UBP1: variants seen among roughly 807,000 people sequenced by gnomAD.
UBP1 encodes the protein upstream binding protein 1.
A neutral mutation model predicts 76.1 loss-of-function variants in UBP1; 22 were observed. The ratio of observed to expected loss-of-function variants is 0.29; its 90% confidence interval spans 0.21 to 0.41. The LOEUF (loss-of-function observed/expected upper bound fraction) is 0.41, where lower values mean the gene tolerates loss of function less well. Ranked by LOEUF, UBP1 falls within the 10% of genes least tolerant of loss-of-function variation. UBP1 has a pLI of 1.00. For missense variants in UBP1, 436 were observed against 668.1 expected (o/e 0.65, Z 3.83); for synonymous variants, 224 against 237.1 (o/e 0.94, Z 0.51).
At position 33,409,302 on chromosome 3, in the gene UBP1, C is replaced by T. The variant is rs958412603; in HGVS notation, c.753G>A (p.Met251Ile). 1 of 1,614,120 alleles carries T rather than the reference C, an allele frequency of 6.2e-7. No homozygotes were observed. Among genetic ancestry groups the T allele is most frequent in the Non-Finnish European group, 8.5e-7 (1 of 1,180,024 alleles). Residue 251 changes from methionine (M) to isoleucine (I), a missense_variant, in exon 7 of 16, where the codon ATG becomes ATA. Met to Ile is a conservative substitution (Grantham distance 10, BLOSUM62 1). Around this residue, in one of 3 missense-constraint regions of UBP1, gnomAD observed 65 missense variants for 157.4 expected, o/e 0.41. Transcript: ENST00000283629. ...CTTTTTCATGAGCTGTTCTCTTCTC[C>T]ATCTTCTCTCGGTCAGTTTTTTGTT... ...DRKQKTDREK[M>I]EKRTAHEKEK...
chr3:33,406,290 C>T (rs908627896), intron 8 of UBP1, among the ~76,000 whole-genome samples: 2 of 152,056 alleles, frequency 1.3e-5, no homozygotes, highest in African/African-American at 4.8e-5. Flanking sequence ...TTTTTCTTTC[C>T]ACCTTACAAA....
intron 1 of UBP1, among the ~76,000 whole-genome samples, chr3:33,431,702 T>C (rs1181515509): frequency 6.7e-6 from 1 of 149,460 alleles, no homozygotes; most frequent in Non-Finnish European, 1.5e-5. Flanking sequence ...ATTGCGCCAC[T>C]GCACTCCAGC....
intron 1 of UBP1, among the ~76,000 whole-genome samples, chr3:33,435,261 T>A (rs1483989448): frequency 6.6e-6 from 1 of 152,206 alleles, no homozygotes; most frequent in East Asian, 1.9e-4. Flanking sequence ...AATTGCTTCA[T>A]GAAAAGATTC....
chr3:33,438,880 G>T (rs966530449), intron 1 of UBP1, among the ~76,000 whole-genome samples: 1 of 152,158 alleles, frequency 6.6e-6, no homozygotes, highest in Non-Finnish European at 1.5e-5. Flanking sequence ...AGAACAGAAA[G>T]CTACACTTAA....
chr3:33,425,723 G>T lies in UBP1; in HGVS notation c.132C>A (p.Pro44=). 1 of 1,595,098 alleles carries T rather than the reference G, an allele frequency of 6.3e-7. No homozygotes were observed. ...GGCTGGAATCTTCCTGCTTGAAAAT[G>T]GGCAATGCCAAGACATCACTGAAAA... ...AYSMSDVLAL[P]IFKQEDSSLP... The change falls in exon 2 of 16, where the codon CCC becomes CCA. Residue 44 remains proline (P), a synonymous_variant. Coordinates refer to ENST00000283629, the MANE Select transcript of UBP1 (RefSeq NM_014517.5).
Position 33,436,909 on chromosome 3 carries a change from G to C in UBP1, c.113+2827C>G, listed in dbSNP as rs116785520. Among the ~76,000 whole-genome samples, 213 of 152,182 alleles carry C rather than the reference G, an allele frequency of 1.4e-3. 1 individual carries two copies. Among genetic ancestry groups the C allele is most frequent in the African/African-American group, 4.8e-3 (199 of 41,498 alleles). On this transcript the variant is annotated intron_variant, in intron 1 of 15. Transcript: ENST00000283629. Reference sequence around the variant, plus strand: ...ATAATGCATTTACAGTATAAGAAAAGGAGTGGTCTAGACTCTAAAAGGTTT... The same window carrying C: ...ATAATGCATTTACAGTATAAGAAAACGAGTGGTCTAGACTCTAAAAGGTTT...
Position 33,402,879 on chromosome 3 carries a change from G to A in UBP1, c.953C>T (p.Thr318Ile). The change falls in exon 9 of 16, where the codon ACA (threonine) becomes ATA (isoleucine). Residue 318 changes from threonine to isoleucine, a missense_variant. By Grantham distance (89) the Thr-to-Ile change is moderately conservative. Coordinates refer to ENST00000283629, the MANE Select transcript of UBP1 (RefSeq NM_014517.5). Reference protein sequence around the residue: ...GSCSPWPDAPTAYVNNSPSPA... With the variant: ...GSCSPWPDAPIAYVNNSPSPA... ...GGAAGGGCTGTTATTCACATAGGCT[G>A]TGGGGGCATCGGGCCACGGAGAACA... 1 of 1,610,814 alleles carries A rather than the reference G, an allele frequency of 6.2e-7. No homozygotes were observed. The highest frequency in any genetic ancestry group is 8.5e-7 in the Non-Finnish European group (1 of 1,178,780).
At chr3:33,420,811 T>A (rs2044870896) in intron 2 of UBP1, among the ~76,000 whole-genome samples, 1 of 152,026 alleles carries the variant, frequency 6.6e-6, no homozygotes, top group Non-Finnish European at 1.5e-5. Flanking sequence ...TTAGTAGAGA[T>A]GGGGTTTCAC....
intron 1 of UBP1, among the ~76,000 whole-genome samples, chr3:33,437,070 A>C (rs924315100): frequency 6.6e-6 from 1 of 152,224 alleles, no homozygotes; most frequent in South Asian, 2.1e-4. Flanking sequence ...ACCAAAAAAG[A>C]CTAAACAAAA....
intron 1 of UBP1, among the ~76,000 whole-genome samples, chr3:33,430,825 C>T (rs953183443): frequency 3.3e-5 from 5 of 152,102 alleles, no homozygotes; most frequent in Admixed American, 3.3e-4. Context: ...GGTAACATGG[C>T]CTCCTCCTCC....
At chr3:33,393,170 C>T (rs965666855) in intron 14 of UBP1, 142 bp downstream of exon 14, 3 of 946,750 alleles carry the variant, frequency 3.2e-6, no homozygotes, top group Non-Finnish European at 3.0e-6. Context: ...GTTATAAGTT[C>T]TTCCAAAGTG....
At chr3:33,409,183 A>G (rs892922022) in intron 7 of UBP1, 53 bp downstream of exon 7, 40 of 1,538,818 alleles carry the variant, frequency 2.6e-5, no homozygotes, top group Non-Finnish European at 3.3e-5. Context: ...TTAGAAATAG[A>G]CTAATATGCA....
intron 11 of UBP1, among the ~76,000 whole-genome samples, chr3:33,399,312 C>T (rs1343234068): frequency 1.3e-5 from 2 of 152,190 alleles, no homozygotes; most frequent in Non-Finnish European, 2.9e-5. Flanking sequence ...CTATTACTGT[C>T]CCTCTAAACA....
intron 13 of UBP1, among the ~76,000 whole-genome samples, chr3:33,395,865 C>T (rs1444354055): frequency 7.0e-6 from 1 of 142,908 alleles, no homozygotes; most frequent in African/African-American, 2.7e-5. Context: ...AAAAAAAAAG[C>T]CAGAACTCAA....
chr3:33,416,648 G>A (rs2044736144), intron 3 of UBP1, 110 bp downstream of exon 3: 2 of 818,492 alleles, frequency 2.4e-6, no homozygotes, highest in Non-Finnish European at 3.7e-6. Context: ...AGCTCATAAA[G>A]TTAAAAAGTT....
chr3:33,411,864 T>C (rs1379336370), intron 4 of UBP1, among the ~76,000 whole-genome samples, 177 bp from the exon 5 acceptor site: 2 of 151,784 alleles, frequency 1.3e-5, no homozygotes, highest in Non-Finnish European at 2.9e-5. Context: ...TATCATCGTT[T>C]CCCCTACCAT....
chr3:33,414,610 A>G (rs563986506), intron 3 of UBP1, among the ~76,000 whole-genome samples: 2 of 152,302 alleles, frequency 1.3e-5, no homozygotes, highest in East Asian at 3.9e-4. Context: ...AAACTCTAGA[A>G]ATTTGAAGCA....
chr3:33,435,049 G>C lies in UBP1; in HGVS notation c.113+4687C>G, dbSNP rs187401420. Among the ~76,000 whole-genome samples, 94 of 152,276 alleles carry C rather than the reference G, an allele frequency of 6.2e-4. 4 individuals carry two copies. Among genetic ancestry groups the C allele is most frequent in the Admixed American group, 5.4e-3 (82 of 15,292 alleles). On this transcript the variant is annotated intron_variant, in intron 1 of 15. Transcript: ENST00000283629. ...TGACAGAATCCATACATCCCACAAAGCCTAAAATATTTACTACCTAGCCCT... is the reference window on the plus strand; with the variant it reads ...TGACAGAATCCATACATCCCACAAACCCTAAAATATTTACTACCTAGCCCT...
At chr3:33,424,093 T>G (rs1329788324) in intron 2 of UBP1, among the ~76,000 whole-genome samples, 1 of 152,246 alleles carries the variant, frequency 6.6e-6, no homozygotes, top group African/African-American at 2.4e-5. Context: ...TTTTTATCTT[T>G]AGAAATAAAG....
Sources: gnomAD v4.1 joint callset for allele counts (sites outside exome capture counted in the v4.1 genomes callset) on GRCh38, gnomAD v4.1.1 for gene constraint, gnomAD v4.1.1 regional missense constraint, MANE v1.5 for transcripts, NCBI Gene and HGNC (gene_info 2026-07-23, HGNC 2026-07-21) for gene names.